Variants in MZT2B observed in about 807,000 individuals in gnomAD.
MZT2B encodes the protein mitotic spindle organizing protein 2B.
A neutral mutation model predicts 12.1 loss-of-function variants in MZT2B; 11 were observed. The ratio of observed to expected loss-of-function variants is 0.91; its 90% CI spans 0.57 to 1.50. The LOEUF is 1.50. MZT2B is among the 40% of genes most tolerant of loss of function. The probability of loss-of-function intolerance (pLI) is 0.00; values close to 1 mark genes in which losing one functional copy is unlikely to be tolerated. For synonymous variants in MZT2B, 85 were observed against 109.5 expected (o/e 0.78, Z 1.40); for missense variants, 209 against 227.7 (o/e 0.92, Z 0.53).
chr2:130,185,321 A>G (rs1466544707), intron 2 of MZT2B, among the ~76,000 whole-genome samples: 1 of 150,804 alleles, frequency 6.6e-6, no homozygotes, highest in African/African-American at 2.4e-5. Flanking sequence ...AAAAAAAAAA[A>G]AAAACTAGCC....
At chr2:130,193,957 G>A (rs778577532), downstream of MZT2B, 20 of 1,614,106 alleles carry the variant, frequency 1.2e-5, no homozygotes, top group South Asian at 2.2e-4. Context: ...CTGGCTCGAA[G>A]CAGGCATTGG....
At chr2:130,191,715 C>G (rs1690262359), downstream of MZT2B, 1 of 1,506,080 alleles carries the variant, frequency 6.6e-7, no homozygotes. Context: ...CTCCTGTAGG[C>G]AGAGCTAAGC....
chr2:130,185,136 C>T (rs187408269), intron 2 of MZT2B, among the ~76,000 whole-genome samples: 25 of 152,072 alleles, frequency 1.6e-4, no homozygotes, highest in African/African-American at 5.3e-4. Flanking sequence ...GGTGAAACCC[C>T]GTCTCTACTA....
At chr2:130,193,181 G>C (rs1248627770), downstream of MZT2B, among the ~76,000 whole-genome samples, 1 of 151,962 alleles carries the variant, frequency 6.6e-6, no homozygotes, top group Non-Finnish European at 1.5e-5. Context: ...CTAGAGTCTG[G>C]GAGGCAGAGG....
chr2:130,187,446 C>T (rs1260029115), intron 2 of MZT2B, among the ~76,000 whole-genome samples: 4 of 152,192 alleles, frequency 2.6e-5, no homozygotes. Context: ...GCCTTGGCCT[C>T]CCAAAGTAGT....
chr2:130,186,624 A>G (rs1573763421), intron 2 of MZT2B, among the ~76,000 whole-genome samples: 1 of 152,162 alleles, frequency 6.6e-6, no homozygotes, highest in African/African-American at 2.4e-5. Context: ...CAGATGCCAA[A>G]TGACCGGTAC....
At chr2:130,187,627 G>C (rs1473343717) in intron 2 of MZT2B, among the ~76,000 whole-genome samples, 1 of 152,164 alleles carries the variant, frequency 6.6e-6, no homozygotes, top group African/African-American at 2.4e-5. Flanking sequence ...CAATCCCACT[G>C]TCTAGCCCGT....
chr2:130,192,834 G>T (rs865865034), downstream of MZT2B, among the ~76,000 whole-genome samples: 14 of 152,216 alleles, frequency 9.2e-5, no homozygotes, highest in Non-Finnish European at 2.9e-5. Flanking sequence ...GGTGGCTCAA[G>T]CCTGTGACCC....
the MZT2B span, chr2:130,196,244 C>T: frequency 7.4e-6 from 12 of 1,613,896 alleles, no homozygotes; most frequent in Non-Finnish European, 1.0e-5. Context: ...GTCGTCCCCG[C>T]CACCAATGGT....
chr2:130,202,943 T>C, the MZT2B span, among the ~76,000 whole-genome samples: 1 of 152,168 alleles, frequency 6.6e-6, no homozygotes, highest in African/African-American at 2.4e-5. Context: ...GATTCCCCCA[T>C]AACTCCTTTA....
chr2:130,199,464 C>A, the MZT2B span, among the ~76,000 whole-genome samples: 2 of 122,098 alleles, frequency 1.6e-5, 1 homozygote, highest in Non-Finnish European at 3.6e-5. Context: ...GCAGGAGAAT[C>A]CCTTGAACCC....
At chr2:130,196,370 C>T in the MZT2B span, 162 of 1,611,720 alleles carry the variant, frequency 1.0e-4, no homozygotes, top group Non-Finnish European at 9.2e-5. Flanking sequence ...GATACACTCG[C>T]GCTGTGAACC....
chr2:130,204,397 A>C, the MZT2B span: 1 of 417,362 alleles, frequency 2.4e-6, no homozygotes, highest in Non-Finnish European at 4.5e-6. Flanking sequence ...GCTCAGAAAG[A>C]GGATGCTGTT....
downstream of MZT2B, chr2:130,193,809 C>T (rs550973540): frequency 6.2e-7 from 1 of 1,610,706 alleles, no homozygotes; most frequent in East Asian, 2.2e-5. Context: ...GGGCACCAAT[C>T]CACAAACTGG....
At chr2:130,181,824 C>T (rs970559070), upstream of MZT2B, 3 of 1,543,480 alleles carry the variant, frequency 1.9e-6, no homozygotes, top group Non-Finnish European at 2.6e-6. Context: ...AAGGAATCCG[C>T]GTGCGCGTAA....
In MZT2B at chr2:130,182,271, CG is replaced by C. The variant is rs1249274084; in HGVS notation, c.-9del. ...CGGCGGGGCGGAGCGCACCTTTCCG[CG>C]GGCCGCGGGGATGGCGGCGCAGGGC... On this transcript the variant is annotated 5_prime_UTR_variant, in exon 1 of 3. Coordinates refer to ENST00000281871, the MANE Select transcript of MZT2B (RefSeq NM_025029.5). The C allele has an allele frequency of 6.9e-6, 9 of 1,298,652 alleles. No individual in the cohort carries two copies. In the East Asian group the frequency reaches 2.6e-4, roughly 37 times the overall value. The allele number at this position is 1,298,652 out of a possible 1,614,324, so 80.4% of individuals were successfully genotyped here.
At chr2:130,184,812 G>A in intron 2 of MZT2B, 2 of 985,424 alleles carry the variant, frequency 2.0e-6, no homozygotes, top group South Asian at 9.4e-5. Context: ...TCTCAGGGCA[G>A]AGGGTGTGGC....
intron 2 of MZT2B, 35 bp downstream of exon 2, chr2:130,182,810 C>G: frequency 3.0e-6 from 4 of 1,354,538 alleles, no homozygotes; most frequent in Non-Finnish European, 3.9e-6. Context: ...GCCCCAGTGG[C>G]GGGGGTGGCG....
Position 130,182,435 on chromosome 2 carries a change from C to G in MZT2B, c.153C>G (p.Ile51Met). 2 of 1,560,270 alleles carry G rather than the reference C, an allele frequency of 1.3e-6. No individual in the cohort carries two copies. Among genetic ancestry groups the G allele is most frequent in the Admixed American group, 1.9e-5 (1 of 52,684 alleles). The part of the protein sequence containing the change: ...YELAQAAGGA[I>M]DPDVFKILVD... ...TGGCGCAGGCGGCGGGCGGCGCTAT[C>G]GACCCCGACGTGTTCAAGTGAGCGG... Residue 51 changes from isoleucine to methionine, a missense_variant, in exon 1 of 3, where the codon ATC becomes ATG. Coordinates refer to ENST00000281871, the MANE Select transcript of MZT2B (RefSeq NM_025029.5).
Sources: allele counts gnomAD v4.1 joint callset (sites outside exome capture counted in the v4.1 genomes callset), GRCh38; gene constraint gnomAD v4.1.1; transcripts MANE v1.5; gene names NCBI Gene and HGNC (gene_info 2026-07-23, HGNC 2026-07-21).